Variants in ZFHX3 observed in about 807,000 individuals in gnomAD.
The protein encoded by ZFHX3 is zinc finger homeobox protein 3.
ZFHX3 carries 42 observed loss-of-function variants against 279.1 expected under a neutral mutation model. That is an observed-to-expected ratio of 0.15 (90% CI 0.12 to 0.19). The LOEUF is 0.19. Among genes scored for constraint, ZFHX3 ranks in the 10% least tolerant of loss-of-function variants. The probability of loss-of-function intolerance (pLI) is 1.00; values close to 1 mark genes in which losing one functional copy is unlikely to be tolerated. For missense variants in ZFHX3, 4,981 were observed against 4,754.0 expected (o/e 1.05, Z -1.40); for synonymous variants, 2,293 against 1,957.8 (o/e 1.17, Z -4.52).
At chr16:73,099,638 G>C (rs1004266188) in intron 7 of ZFHX3, among the ~76,000 whole-genome samples, 1 of 148,522 alleles carries the variant, frequency 6.7e-6, no homozygotes, top group African/African-American at 2.5e-5. Flanking sequence ...TTGAACCCTG[G>C]AGGCAGAGGT....
intron 3 of ZFHX3, chr16:73,420,030 C>G (rs995599019): frequency 6.6e-6 from 1 of 151,922 alleles, no homozygotes; most frequent in African/African-American, 2.4e-5. Context: ...CCTCAGTCTT[C>G]CAAGTACCTG....
chr16:73,370,219 C>T (rs926676672), intron 3 of ZFHX3, among the ~76,000 whole-genome samples: 1 of 152,250 alleles, frequency 6.6e-6, no homozygotes, highest in African/African-American at 2.4e-5. Context: ...TTCATGCCAC[C>T]TGGCACATGC....
At chr16:73,348,864 T>C (rs1394722693) in intron 3 of ZFHX3, among the ~76,000 whole-genome samples, 1 of 152,230 alleles carries the variant, frequency 6.6e-6, no homozygotes, top group Non-Finnish European at 1.5e-5. Flanking sequence ...GCAAGTCTTA[T>C]GTGCCTATGT....
At chr16:72,860,769 C>G (rs987447467) in intron 4 of ZFHX3, among the ~76,000 whole-genome samples, 5 of 152,132 alleles carry the variant, frequency 3.3e-5, no homozygotes, top group African/African-American at 1.2e-4. Flanking sequence ...GAGCTGCCAC[C>G]CTATGGACCG....
intron 1 of ZFHX3, among the ~76,000 whole-genome samples, chr16:73,817,358 T>G (rs1288128503): frequency 6.6e-6 from 1 of 152,204 alleles, no homozygotes; most frequent in Non-Finnish European, 1.5e-5. Flanking sequence ...AGCAGCAGTT[T>G]GCTACTTCTC....
At position 72,796,814 on chromosome 16, in the gene ZFHX3, C is replaced by G; in HGVS notation, c.5868G>C (p.Leu1956Phe). 4 of 1,613,268 alleles carry G rather than the reference C, an allele frequency of 2.5e-6. No individual in the cohort carries two copies. Among genetic ancestry groups the G allele is most frequent in the Non-Finnish European group, 3.4e-6 (4 of 1,179,880 alleles). Residue 1956 changes from leucine to phenylalanine, a missense_variant, in exon 9 of 10, where the codon TTG becomes TTC. Transcript: ENST00000268489. ...KALLENFGFE[L>F]VIQYNENKQK... ...GCTTGTTCTCATTATACTGGATGACCAACTCAAAGCCAAAGTTCTCCAGCA... is the reference window on the plus strand; with the variant it reads ...GCTTGTTCTCATTATACTGGATGACGAACTCAAAGCCAAAGTTCTCCAGCA...
intron 3 of ZFHX3, among the ~76,000 whole-genome samples, chr16:72,945,987 A>C (rs1960653890): frequency 6.6e-6 from 1 of 152,020 alleles, no homozygotes; most frequent in East Asian, 1.9e-4. Context: ...CTTCACCTAC[A>C]TTTTCTGATT....
intron 2 of ZFHX3, among the ~76,000 whole-genome samples, chr16:73,515,396 C>T (rs1392027605): frequency 6.6e-6 from 1 of 150,734 alleles, no homozygotes; most frequent in East Asian, 2.0e-4. Flanking sequence ...AGGGCTTAAA[C>T]TAGGATGGAG....
intron 1 of ZFHX3, among the ~76,000 whole-genome samples, chr16:72,999,890 A>G (rs112801156): frequency 1.7e-4 from 26 of 152,350 alleles, no homozygotes; most frequent in African/African-American, 6.3e-4. Flanking sequence ...CTGCAGGCTC[A>G]TCCATCCAGA....
chr16:72,802,448 A>G (rs2036134064), intron 7 of ZFHX3, among the ~76,000 whole-genome samples: 1 of 152,180 alleles, frequency 6.6e-6, no homozygotes, highest in African/African-American at 2.4e-5. Context: ...GCTCCTCTGC[A>G]TCTTAATCTG....
At chr16:73,281,991 G>A (rs2014469060) in intron 4 of ZFHX3, among the ~76,000 whole-genome samples, 1 of 152,006 alleles carries the variant, frequency 6.6e-6, no homozygotes, top group Non-Finnish European at 1.5e-5. Context: ...CTACCTCAAA[G>A]GAATCCAAAA....
intron 8 of ZFHX3, chr16:73,092,699 C>G: frequency 3.1e-6 from 1 of 318,886 alleles, no homozygotes. Flanking sequence ...TACACATGCT[C>G]TTGCTCTCTC....
intron 3 of ZFHX3, among the ~76,000 whole-genome samples, chr16:73,347,525 G>A (rs1368501705): frequency 6.6e-6 from 1 of 152,216 alleles, no homozygotes; most frequent in African/African-American, 2.4e-5. Flanking sequence ...GAGGTAGATA[G>A]CAGCAACCAG....
chr16:73,031,765 G>A (rs1424292398), intron 1 of ZFHX3, among the ~76,000 whole-genome samples: 1 of 152,142 alleles, frequency 6.6e-6, no homozygotes, highest in Non-Finnish European at 1.5e-5. Flanking sequence ...TTTCTCTGCA[G>A]GTCACCACGG....
At position 72,784,894 on chromosome 16, in the gene ZFHX3, AAAT is replaced by A. The variant is rs1219729459; in HGVS notation, c.*2267_*2269del. The A allele has an allele frequency of 3.9e-5, 6 of 152,596 alleles. No homozygotes were observed. The highest frequency in any genetic ancestry group is 8.8e-5 in the Non-Finnish European group (6 of 68,028). The allele number at this position is 152,596 out of a possible 1,614,324, so 9.5% of individuals were successfully genotyped here. A position where few individuals can be genotyped will look rare whatever the true frequency, so the allele number is the denominator to read the frequency against. ...CATTAAACTAAAAACAAATTCATAA[AAAT>A]AAAATAGTCCCGGCTAAAAAAGAAA... On this transcript the variant is annotated 3_prime_UTR_variant, in exon 10 of 10. Coordinates refer to ENST00000268489, the MANE Select transcript of ZFHX3 (RefSeq NM_006885.4).
intron 4 of ZFHX3, among the ~76,000 whole-genome samples, chr16:73,286,402 G>A (rs2014597033): frequency 6.6e-6 from 1 of 152,220 alleles, no homozygotes; most frequent in Non-Finnish European, 1.5e-5. Context: ...GTGAACCCCA[G>A]TCAAGTACGT....
chr16:72,916,173 T>C (rs958255861), intron 3 of ZFHX3, among the ~76,000 whole-genome samples: 10 of 151,496 alleles, frequency 6.6e-5, no homozygotes, highest in Admixed American at 6.6e-4. Flanking sequence ...ACTCTTCACT[T>C]CCCCCCCCTC....
intron 2 of ZFHX3, among the ~76,000 whole-genome samples, chr16:73,567,783 A>G (rs892688174): frequency 2.6e-5 from 4 of 152,232 alleles, no homozygotes; most frequent in Non-Finnish European, 4.4e-5. Flanking sequence ...TCAACAGGCA[A>G]CAATATTGTA....
At chr16:72,851,146 G>A (rs774576829) in intron 4 of ZFHX3, among the ~76,000 whole-genome samples, 4 of 152,142 alleles carry the variant, frequency 2.6e-5, no homozygotes, top group Non-Finnish European at 5.9e-5. Context: ...GTACGGAGGA[G>A]AGGAGAGTCC....
Sources: gnomAD v4.1 joint callset for allele counts (sites outside exome capture counted in the v4.1 genomes callset) on GRCh38, gnomAD v4.1.1 for gene constraint, MANE v1.5 for transcripts, NCBI Gene and HGNC (gene_info 2026-07-23, HGNC 2026-07-21) for gene names.